PARD3: variants seen among roughly 807,000 people sequenced by gnomAD.
PARD3 encodes partitioning defective 3 homolog.
PARD3 carries 75 observed loss-of-function variants against 155.4 expected under a neutral mutation model. The ratio of observed to expected loss-of-function variants is 0.48; its 90% confidence interval spans 0.40 to 0.58. The LOEUF is 0.58. PARD3 is among the 20% of genes least tolerant of loss of function. The pLI is 0.00. For missense variants in PARD3, 1,642 were observed against 1,721.7 expected (o/e 0.95, Z 0.82); for synonymous variants, 576 against 610.5 (o/e 0.94, Z 0.83).
Position 34,374,575 on chromosome 10 carries a change from G to A in PARD3, c.1668+299C>T, listed in dbSNP as rs141938242. Reference sequence around the variant, plus strand: ...GTGGAGTGACAGTTCTGAAATAATCGGCGTCTCTGTATTCAGTCAGTCCAT... The same window carrying A: ...GTGGAGTGACAGTTCTGAAATAATCAGCGTCTCTGTATTCAGTCAGTCCAT... On this transcript the variant is annotated intron_variant, in intron 11 of 24. Coordinates refer to ENST00000374788, the MANE Select transcript of PARD3 (RefSeq NM_001184785.2). 4.3e-4 allele frequency among the ~76,000 whole-genome samples: 66 copies of A among 152,164 alleles called. No individual in the cohort carries two copies. The East Asian group carries it at 0.012, about 28-fold the overall frequency.
chr10:34,566,646 A>T (rs1273021946), intron 2 of PARD3, among the ~76,000 whole-genome samples: 1 of 152,238 alleles, frequency 6.6e-6, no homozygotes, highest in African/African-American at 2.4e-5. Context: ...TCTCTTACCT[A>T]AATGCACAAG....
At chr10:34,379,910 G>A (rs969204585) in intron 9 of PARD3, among the ~76,000 whole-genome samples, 1 of 152,050 alleles carries the variant, frequency 6.6e-6, no homozygotes, top group African/African-American at 2.4e-5. Flanking sequence ...CCAAAATTAG[G>A]CCAAAGAATA....
At position 34,705,337 on chromosome 10, in the gene PARD3, A is replaced by C. The variant is rs2094346952; in HGVS notation, c.121-8918T>G. Among the ~76,000 whole-genome samples the C allele has an allele frequency of 2.6e-5, 4 of 152,018 alleles. 1 individual carries two copies. The highest frequency in any genetic ancestry group is 2.6e-4 in the Admixed American group (4 of 15,268). On this transcript the variant is annotated intron_variant, in intron 1 of 24. Transcript: ENST00000374788. The stretch of plus-strand genomic sequence containing the variant: ...TTCTTGTTGTTATTTTTGGTTTTTT[A>C]ATTAGCTGGGCATGGTGGTGTGTGC...
chr10:34,494,050 G>A (rs1007873281), intron 3 of PARD3, among the ~76,000 whole-genome samples: 17 of 152,200 alleles, frequency 1.1e-4, no homozygotes, highest in African/African-American at 2.9e-4. Context: ...TCAGAGAGCC[G>A]GCTATTAAAC....
intron 2 of PARD3, among the ~76,000 whole-genome samples, chr10:34,663,659 C>G (rs1329079869): frequency 6.6e-6 from 1 of 152,044 alleles, no homozygotes; most frequent in Non-Finnish European, 1.5e-5. Context: ...GCTGACAGGC[C>G]CACTGAACAC....
At chr10:34,146,427 G>C (rs1047939633) in intron 22 of PARD3, among the ~76,000 whole-genome samples, 1 of 152,068 alleles carries the variant, frequency 6.6e-6, no homozygotes. Flanking sequence ...CAATATTTAT[G>C]GTTAATTTAG....
intron 4 of PARD3, among the ~76,000 whole-genome samples, chr10:34,465,637 C>T (rs1218078923): frequency 1.3e-5 from 2 of 152,182 alleles, no homozygotes; most frequent in African/African-American, 4.8e-5. Context: ...TACTTTCTTC[C>T]CCTTTCCCTA....
At chr10:34,686,985 G>A (rs2093963327) in intron 2 of PARD3, among the ~76,000 whole-genome samples, 1 of 151,938 alleles carries the variant, frequency 6.6e-6, no homozygotes, top group African/African-American at 2.4e-5. Context: ...AGAGGCAGAG[G>A]TTTCAGTGAG....
At chr10:34,252,121 G>A (rs1451776470) in intron 22 of PARD3, among the ~76,000 whole-genome samples, 1 of 152,148 alleles carries the variant, frequency 6.6e-6, no homozygotes, top group Admixed American at 6.5e-5. Flanking sequence ...TGCTGGGGAG[G>A]GGGAGGGGAG....
intron 2 of PARD3, among the ~76,000 whole-genome samples, chr10:34,607,915 G>GTATT (rs1022140567): frequency 4.6e-5 from 7 of 152,124 alleles, no homozygotes; most frequent in South Asian, 2.1e-4. Context: ...TCCCATTTAT[G>GTATT]TATTTATTTA....
intron 2 of PARD3, among the ~76,000 whole-genome samples, chr10:34,612,768 A>G (rs575755815): frequency 1.1e-4 from 17 of 152,360 alleles, no homozygotes; most frequent in Non-Finnish European, 2.2e-4. Context: ...CATCATAGCA[A>G]TGCTGCAAGA....
intron 3 of PARD3, among the ~76,000 whole-genome samples, chr10:34,501,484 T>G (rs1369648794): frequency 2.6e-5 from 4 of 152,098 alleles, no homozygotes; most frequent in African/African-American, 9.7e-5. Context: ...GTTACCCCAG[T>G]CCCAGGTATT....
chr10:34,545,962 C>T (rs1249134928), intron 2 of PARD3, among the ~76,000 whole-genome samples: 1 of 152,108 alleles, frequency 6.6e-6, no homozygotes, highest in Non-Finnish European at 1.5e-5. Flanking sequence ...ATATAAAATA[C>T]TTAACACTGT....
At chr10:34,794,424 T>C (rs563657138) in intron 1 of PARD3, among the ~76,000 whole-genome samples, 1 of 152,234 alleles carries the variant, frequency 6.6e-6, no homozygotes, top group Non-Finnish European at 1.5e-5. Flanking sequence ...CAAAAGTTAA[T>C]TTCTATCATT....
chr10:34,342,310 T>A (rs527333316), intron 15 of PARD3, among the ~76,000 whole-genome samples: 1 of 152,292 alleles, frequency 6.6e-6, no homozygotes, highest in East Asian at 1.9e-4. Flanking sequence ...CAGTGATAAT[T>A]ATATGGTGGT....
At chr10:34,762,997 C>T (rs968323474) in intron 1 of PARD3, among the ~76,000 whole-genome samples, 4 of 152,172 alleles carry the variant, frequency 2.6e-5, no homozygotes, top group African/African-American at 9.7e-5. Flanking sequence ...AGTGGGGGCA[C>T]TGAGGGACAG....
At chr10:34,715,166 C>A (rs2094501980) in intron 1 of PARD3, among the ~76,000 whole-genome samples, 1 of 151,452 alleles carries the variant, frequency 6.6e-6, no homozygotes, top group Non-Finnish European at 1.5e-5. Flanking sequence ...CAGCCTTGAA[C>A]TCCTGGCCTC....
intron 1 of PARD3, among the ~76,000 whole-genome samples, chr10:34,698,635 G>A (rs1248370519): frequency 6.6e-6 from 1 of 152,080 alleles, no homozygotes; most frequent in African/African-American, 2.4e-5. Flanking sequence ...TCCAACTCCT[G>A]GGCTCAAGCA....
At chr10:34,502,102 G>A (rs539110203) in intron 3 of PARD3, among the ~76,000 whole-genome samples, 4 of 152,274 alleles carry the variant, frequency 2.6e-5, no homozygotes, top group African/African-American at 7.2e-5. Flanking sequence ...CAGCCTGTAG[G>A]ACATGAGAAA....
Sources: gnomAD v4.1 joint callset for allele counts (sites outside exome capture counted in the v4.1 genomes callset) on GRCh38, gnomAD v4.1.1 for gene constraint, MANE v1.5 for transcripts, NCBI Gene and HGNC (gene_info 2026-07-23, HGNC 2026-07-21) for gene names.